IL16: variants seen among roughly 807,000 people sequenced by gnomAD.
The protein encoded by IL16 is pro-interleukin-16.
In IL16, 67 loss-of-function variants were observed where a neutral mutation model predicts 110.1. The ratio of observed to expected loss-of-function variants is 0.61; its 90% CI spans 0.50 to 0.75. The LOEUF is 0.75. Among genes scored for constraint, IL16 ranks in the 30% least tolerant of loss-of-function variants. The pLI is 0.00. For synonymous variants in IL16, 689 were observed against 662.9 expected (o/e 1.04, Z -0.61); for missense variants, 1,545 against 1,655.0 (o/e 0.93, Z 1.15).
At chr15:81,290,372 A>C (rs1357717283) in intron 10 of IL16, 81 bp from the exon 11 acceptor site, 13 of 887,624 alleles carry the variant, frequency 1.5e-5, no homozygotes, top group Non-Finnish European at 2.3e-5. Context: ...CCAGTGGCCC[A>C]GCTTTGGAGC....
intron 2 of IL16, among the ~76,000 whole-genome samples, chr15:81,243,143 GTATATATA>G: frequency 2.1e-5 from 1 of 47,244 alleles, no homozygotes; most frequent in Non-Finnish European, 3.6e-5. Context: ...AGCTATATAA[GTATATATA>G]TATATATATA....
chr15:81,258,449 C>A (rs1001229028), intron 2 of IL16, among the ~76,000 whole-genome samples: 12 of 152,178 alleles, frequency 7.9e-5, no homozygotes, highest in African/African-American at 1.2e-4. Flanking sequence ...GCCTGTAATC[C>A]TTACACTTTG....
intron 1 of IL16, among the ~76,000 whole-genome samples, chr15:81,217,541 T>A (rs1048948314): frequency 1.3e-5 from 2 of 152,186 alleles, no homozygotes; most frequent in Non-Finnish European, 2.9e-5. Context: ...ATGTCCAGCT[T>A]CTCTTTGCTC....
At chr15:81,292,474 CGTGGCAGTCACAG>C (rs765580464) in intron 11 of IL16, 69 bp from the exon 12 acceptor site, 1 of 1,593,880 alleles carries the variant, frequency 6.3e-7, no homozygotes, top group East Asian at 2.2e-5. Context: ...GTGTGCTGCC[CGTGGCAGTCACAG>C]GTGAGGCCAG....
At chr15:81,297,335 G>A (rs1319508245) in intron 13 of IL16, among the ~76,000 whole-genome samples, 1 of 152,046 alleles carries the variant, frequency 6.6e-6, no homozygotes, top group Admixed American at 6.5e-5. Flanking sequence ...TGGATAATTG[G>A]GAGGATGGAG....
In IL16 at chr15:81,244,186, C is replaced by T. The variant is rs1271045778; in HGVS notation, c.313-15586C>T. Among the ~76,000 whole-genome samples the T allele has an allele frequency of 2.6e-5, 4 of 152,152 alleles. No homozygotes were observed. The South Asian group carries it at 8.3e-4, about 31-fold the overall frequency. ...TTTACATACACTTAAAACCACATCACAGTGTTAACATTTTTTGCTTCAACC... is the reference window on the plus strand; with the variant it reads ...TTTACATACACTTAAAACCACATCATAGTGTTAACATTTTTTGCTTCAACC... On this transcript the variant is annotated intron_variant, in intron 2 of 18. Transcript: ENST00000683961.
intron 7 of IL16, among the ~76,000 whole-genome samples, chr15:81,279,158 CTGTTT>C (rs1899050818): frequency 6.6e-6 from 1 of 152,184 alleles, no homozygotes; most frequent in African/African-American, 2.4e-5. Flanking sequence ...ATTTACAAAT[CTGTTT>C]TAAGTTTTTA....
At chr15:81,283,205 C>T (rs1270581277) in intron 9 of IL16, among the ~76,000 whole-genome samples, 1 of 152,220 alleles carries the variant, frequency 6.6e-6, no homozygotes, top group Admixed American at 6.5e-5. Flanking sequence ...ACCCTGCACA[C>T]ATTTGTAACC....
intron 2 of IL16, among the ~76,000 whole-genome samples, chr15:81,233,901 T>C (rs547834499): frequency 3.9e-5 from 6 of 152,118 alleles, no homozygotes; most frequent in South Asian, 2.1e-4. Context: ...TTATTGTAGA[T>C]TGGTCTGTTT....
chr15:81,205,735 ACTCT>A (rs1248414477), intron 1 of IL16, among the ~76,000 whole-genome samples: 3 of 152,024 alleles, frequency 2.0e-5, no homozygotes, highest in African/African-American at 7.2e-5. Context: ...AAAGAAACAA[ACTCT>A]CTCTCCCCAG....
chr15:81,261,276 C>T (rs1444816256), intron 3 of IL16, among the ~76,000 whole-genome samples: 2 of 152,220 alleles, frequency 1.3e-5, no homozygotes, highest in Non-Finnish European at 1.5e-5. Flanking sequence ...AATCACAGGG[C>T]CCCAGGTGAC....
Position 81,303,654 on chromosome 15 carries a change from A to C in IL16, c.3420+4A>C, listed in dbSNP as rs1227473826. 1.9e-6 allele frequency: 3 copies of C among 1,592,810 alleles called. No individual in the cohort carries two copies. Among genetic ancestry groups the C allele is most frequent in the Non-Finnish European group, 2.6e-6 (3 of 1,160,628 alleles). On this transcript the variant is annotated splice_donor_region_variant and intron_variant, in intron 16 of 18. Coordinates refer to ENST00000683961, the MANE Select transcript of IL16 (RefSeq NM_172217.5). The surrounding 1 kb of genome is among the most constrained non-coding windows in gnomAD (Gnocchi z 4.1). ...TCTAGAAAACAAGGTGATTACGGTG[A>C]GTGGCCAAGTGAAGGGGCATGTCAC... is the stretch of plus-strand genomic sequence containing the variant.
At chr15:81,207,341 A>G (rs1352378096) in intron 1 of IL16, among the ~76,000 whole-genome samples, 1 of 152,162 alleles carries the variant, frequency 6.6e-6, no homozygotes, top group Non-Finnish European at 1.5e-5. Flanking sequence ...ATGGCTAATC[A>G]TCTGCATCTT....
At position 81,300,273 on chromosome 15, in the gene IL16, A is replaced by G; in HGVS notation, c.2947A>G (p.Lys983Glu). Residue 983 changes from lysine to glutamate, a missense_variant, in exon 14 of 19, where the codon AAG (lysine) becomes GAG (glutamate). Physicochemically the swap from Lys to Glu is moderately conservative, Grantham distance 56 (BLOSUM62 1). This residue lies in a region of IL16 where 1,185 missense variants were observed against 1,238.8 expected (regional missense o/e 0.96). Transcript: ENST00000683961. ...CTGTGAGACGAAGCTACTTGACGAAAAGACCAGCAAACTCTATTCTATCAG... is the reference window on the plus strand; with the variant it reads ...CTGTGAGACGAAGCTACTTGACGAAGAGACCAGCAAACTCTATTCTATCAG... The part of the protein sequence containing the change: ...QSCETKLLDE[K>E]TSKLYSISSQ... 5.0e-6 allele frequency: 8 copies of G among 1,614,194 alleles called. No individual in the cohort carries two copies. The highest frequency in any genetic ancestry group is 6.8e-6 in the Non-Finnish European group (8 of 1,180,032).
At chr15:81,258,806 CAACAT>C (rs1189010466) in intron 2 of IL16, among the ~76,000 whole-genome samples, 1 of 151,684 alleles carries the variant, frequency 6.6e-6, no homozygotes, top group Non-Finnish European at 1.5e-5. Flanking sequence ...TACGCACACA[CAACAT>C]GTGCACACAC....
At chr15:81,190,682 G>A (rs928420426) in intron 1 of IL16, among the ~76,000 whole-genome samples, 13 of 152,174 alleles carry the variant, frequency 8.5e-5, no homozygotes, top group African/African-American at 3.1e-4. Context: ...AAAGGCTGAG[G>A]AAGTTGAGGG....
At chr15:81,197,385 C>G (rs750268376) in intron 1 of IL16, among the ~76,000 whole-genome samples, 2 of 152,124 alleles carry the variant, frequency 1.3e-5, no homozygotes, top group Non-Finnish European at 2.9e-5. Context: ...AAGGCCAGAG[C>G]GGGCAGAGGG....
intron 11 of IL16, chr15:81,292,032 G>T (rs11635336): frequency 0.18 from 79,994 of 454,098 alleles, 7,643 homozygotes; most frequent in Middle Eastern, 0.24. Flanking sequence ...AGCAGGCAGG[G>T]TAGACAGAGG....
At chr15:81,210,744 T>G (rs1223860067) in intron 1 of IL16, among the ~76,000 whole-genome samples, 2 of 152,210 alleles carry the variant, frequency 1.3e-5, no homozygotes, top group Non-Finnish European at 2.9e-5. Flanking sequence ...CAGACTTTTG[T>G]TGGAGTCTAG....
Sources: allele counts gnomAD v4.1 joint callset (sites outside exome capture counted in the v4.1 genomes callset), GRCh38; gene constraint gnomAD v4.1.1; regional missense constraint gnomAD v4.1.1; non-coding constraint Gnocchi (gnomAD v3.1); transcripts MANE v1.5; gene names NCBI Gene and HGNC (gene_info 2026-07-23, HGNC 2026-07-21).